The following ROBO2 variants were observed in gnomAD, a reference collection of about 807,000 sequenced individuals.
ROBO2 encodes roundabout guidance receptor 2, also known as roundabout homolog 2.
A neutral mutation model predicts 160.8 loss-of-function variants in ROBO2; 53 were observed. The ratio of observed to expected loss-of-function variants is 0.33; its 90% CI spans 0.26 to 0.41. ROBO2 has a LOEUF of 0.41. Among genes scored for constraint, ROBO2 ranks in the 10% least tolerant of loss-of-function variants. The probability of loss-of-function intolerance (pLI) is 1.00; values close to 1 mark genes in which losing one functional copy is unlikely to be tolerated. For synonymous variants in ROBO2, 664 were observed against 611.7 expected (o/e 1.09, Z -1.26); for missense variants, 1,577 against 1,722.4 (o/e 0.92, Z 1.49).
chr3:75,953,746 A>T (rs1332686530), intron 2 of ROBO2, among the ~76,000 whole-genome samples: 1 of 151,950 alleles, frequency 6.6e-6, no homozygotes, highest in African/African-American at 2.4e-5. Flanking sequence ...AACAAAAATG[A>T]CAGCTTTTGA....
At chr3:76,565,147 T>A (rs2084434528) in intron 2 of ROBO2, among the ~76,000 whole-genome samples, 1 of 152,192 alleles carries the variant, frequency 6.6e-6, no homozygotes, top group African/African-American at 2.4e-5. Context: ...TACCCTTTAC[T>A]ACCATCTATT....
chr3:76,534,289 G>T (rs1349407716), intron 2 of ROBO2, among the ~76,000 whole-genome samples: 1 of 152,042 alleles, frequency 6.6e-6, no homozygotes, highest in African/African-American at 2.4e-5. Context: ...GCTTGGAACT[G>T]CCCTAATAAA....
At chr3:76,397,455 A>G (rs1244035619) in intron 2 of ROBO2, among the ~76,000 whole-genome samples, 1 of 152,122 alleles carries the variant, frequency 6.6e-6, no homozygotes, top group African/African-American at 2.4e-5. Context: ...AATGGCAACA[A>G]AAGTCAAAAT....
intron 2 of ROBO2, among the ~76,000 whole-genome samples, chr3:76,681,734 G>A (rs901953832): frequency 1.3e-5 from 2 of 151,928 alleles, no homozygotes; most frequent in African/African-American, 4.8e-5. Flanking sequence ...AAAGGCATGA[G>A]CTTGCGAGTG....
chr3:76,437,574 G>A (rs1395645087), intron 2 of ROBO2, among the ~76,000 whole-genome samples: 3 of 152,118 alleles, frequency 2.0e-5, no homozygotes, highest in African/African-American at 7.2e-5. Context: ...TCTGAATTCT[G>A]AACAGACAGA....
intron 2 of ROBO2, among the ~76,000 whole-genome samples, chr3:75,991,535 G>C (rs1373707870): frequency 6.6e-6 from 1 of 152,118 alleles, no homozygotes; most frequent in Non-Finnish European, 1.5e-5. Context: ...GCCTCCCCAG[G>C]CATGTGGAAC....
In ROBO2 at chr3:76,089,144, C is replaced by T. The variant is rs79184426; in HGVS notation, c.109+151542C>T. On this transcript the variant is annotated intron_variant, in intron 2 of 26. Coordinates refer to the ROBO2 transcript ENST00000487694. ...CTGTCAAATCTTACACTAAAAGAAA[C>T]ACAATTATAATAGGCTTATATCCAT... Among the ~76,000 whole-genome samples, 57 of 152,032 alleles carry T rather than the reference C, an allele frequency of 3.7e-4. 1 individual carries two copies. In the East Asian group the frequency reaches 7.7e-3, roughly 21 times the overall value.
intron 4 of ROBO2, among the ~76,000 whole-genome samples, chr3:77,491,558 A>G (rs2086116101): frequency 6.6e-6 from 1 of 152,154 alleles, no homozygotes; most frequent in East Asian, 1.9e-4. Context: ...GCCAGCCCCA[A>G]AATAGCTGTT....
chr3:76,111,757 T>A (rs2108238712), intron 2 of ROBO2, among the ~76,000 whole-genome samples: 2 of 152,160 alleles, frequency 1.3e-5, no homozygotes, highest in South Asian at 4.2e-4. Context: ...GAGATGAGCC[T>A]TCTCCAGCTG....
intron 2 of ROBO2, among the ~76,000 whole-genome samples, chr3:76,642,302 TGGTCTGAAGCTCAG>T (rs1375881220): frequency 1.4e-5 from 2 of 148,118 alleles, no homozygotes; most frequent in Non-Finnish European, 3.0e-5. Context: ...TGATTTGATG[TGGTCTGAAGCTCAG>T]CTAATTCAGA....
intron 2 of ROBO2, among the ~76,000 whole-genome samples, chr3:76,099,721 T>A (rs1487792752): frequency 6.6e-6 from 1 of 152,232 alleles, no homozygotes; most frequent in Non-Finnish European, 1.5e-5. Context: ...TCTAAAAAAA[T>A]TTTCACTTAT....
At chr3:76,170,043 G>A (rs780860138) in intron 2 of ROBO2, among the ~76,000 whole-genome samples, 6 of 152,118 alleles carry the variant, frequency 3.9e-5, no homozygotes, top group East Asian at 1.9e-4. Flanking sequence ...GCCTCCCAAC[G>A]TGCTGGGATT....
intron 1 of ROBO2, among the ~76,000 whole-genome samples, chr3:75,927,106 T>C (rs1288910562): frequency 3.3e-5 from 5 of 152,206 alleles, no homozygotes; most frequent in African/African-American, 7.2e-5. Context: ...GAGATCATCC[T>C]CTCTTGTCAT....
chr3:76,638,971 G>C (rs891949001), intron 2 of ROBO2, among the ~76,000 whole-genome samples: 1 of 151,990 alleles, frequency 6.6e-6, no homozygotes, highest in Non-Finnish European at 1.5e-5. Context: ...ACTGCATTAC[G>C]TCCCTCCAGT....
chr3:77,426,686 AAGGAAGGAAGGAAGGAAGGAAGGAAGG>A (rs1354520742), intron 2 of ROBO2, among the ~76,000 whole-genome samples: 11 of 64,224 alleles, frequency 1.7e-4, no homozygotes, highest in Non-Finnish European at 3.4e-4. Flanking sequence ...GTCAGGAAGG[AAGGAAGGAAGGAAGGAAGGAAGGAAGG>A]AAGGAAGGAA....
chr3:77,624,400 C>G (rs924651353), intron 23 of ROBO2, among the ~76,000 whole-genome samples: 3 of 151,388 alleles, frequency 2.0e-5, no homozygotes, highest in African/African-American at 7.3e-5. Context: ...GGAGTGAGTA[C>G]GTGTATAAAT....
intron 2 of ROBO2, among the ~76,000 whole-genome samples, chr3:76,692,401 A>G (rs1443880993): frequency 6.6e-6 from 1 of 152,126 alleles, no homozygotes; most frequent in Non-Finnish European, 1.5e-5. Flanking sequence ...TGTGCCGAGG[A>G]TGGTGGGCAA....
At chr3:77,472,747 T>A (rs1277981181) in intron 2 of ROBO2, among the ~76,000 whole-genome samples, 1 of 152,184 alleles carries the variant, frequency 6.6e-6, no homozygotes, top group Non-Finnish European at 1.5e-5. Flanking sequence ...TATTTTTATT[T>A]GACAAGCAAT....
At chr3:76,457,983 C>T (rs1385640765) in intron 2 of ROBO2, among the ~76,000 whole-genome samples, 5 of 152,120 alleles carry the variant, frequency 3.3e-5, no homozygotes, top group Non-Finnish European at 2.9e-5. Context: ...CTTCCTGGGC[C>T]TCCGGGCCTG....
Sources: gnomAD v4.1 joint callset for allele counts (sites outside exome capture counted in the v4.1 genomes callset) on GRCh38, gnomAD v4.1.1 for gene constraint, MANE v1.5 for transcripts, NCBI Gene and HGNC (gene_info 2026-07-23, HGNC 2026-07-21) for gene names.